TENM2: variants seen among roughly 807,000 people sequenced by gnomAD.
TENM2 encodes teneurin-2.
A neutral mutation model predicts 245.2 loss-of-function variants in TENM2; 52 were observed. The observed-to-expected ratio is 0.21, with a 90% CI of 0.17 to 0.27. TENM2 has a LOEUF of 0.27. TENM2 is among the 10% of genes least tolerant of loss of function. TENM2 has a pLI of 1.00. For synonymous variants in TENM2, 1,363 were observed against 1,438.9 expected (o/e 0.95, Z 1.19); for missense variants, 3,046 against 3,666.8 (o/e 0.83, Z 4.37).
chr5:167,465,806 G>T (rs930281473), intron 2 of TENM2, among the ~76,000 whole-genome samples: 1 of 151,240 alleles, frequency 6.6e-6, no homozygotes, highest in African/African-American at 2.4e-5. Context: ...ACTCTGGCCT[G>T]GGTGACAGAG....
the TENM2 span, among the ~76,000 whole-genome samples, chr5:167,097,510 C>T: frequency 2.0e-5 from 3 of 152,000 alleles, no homozygotes; most frequent in Non-Finnish European, 4.4e-5. Context: ...TCCGGGCACT[C>T]GCCTGCAGGT....
chr5:167,648,103 C>T (rs1180354614), intron 2 of TENM2, among the ~76,000 whole-genome samples: 1 of 152,094 alleles, frequency 6.6e-6, no homozygotes, highest in African/African-American at 2.4e-5. Context: ...CATGGTGAGC[C>T]GAACTAATCA....
intron 1 of TENM2, among the ~76,000 whole-genome samples, chr5:167,361,309 T>G (rs1281438750): frequency 2.0e-5 from 3 of 152,304 alleles, no homozygotes; most frequent in Middle Eastern, 6.8e-3. Context: ...TCAAATCCTC[T>G]TTTTTTCCTA....
chr5:167,418,947 A>C (rs1763327328), intron 2 of TENM2, among the ~76,000 whole-genome samples: 1 of 152,184 alleles, frequency 6.6e-6, no homozygotes, highest in Admixed American at 6.5e-5. Context: ...TTGCTTCAAG[A>C]TAGTTTAAAC....
intron 2 of TENM2, among the ~76,000 whole-genome samples, chr5:167,404,582 A>G (rs1312505098): frequency 6.6e-6 from 1 of 152,086 alleles, no homozygotes; most frequent in Non-Finnish European, 1.5e-5. Context: ...GTTTATCACA[A>G]TTGCTTTTGC....
At chr5:167,378,623 C>T (rs2127324236) in intron 2 of TENM2, among the ~76,000 whole-genome samples, 1 of 152,146 alleles carries the variant, frequency 6.6e-6, no homozygotes, top group Middle Eastern at 3.4e-3. Flanking sequence ...TTTGAAAGGG[C>T]TTTCCTAGTA....
rs114254787 is a variant in TENM2 at position 167,502,051 on chromosome 5, A to G, written c.502+126578A>G. On this transcript the variant is annotated intron_variant, in intron 2 of 28. Transcript: ENST00000518659. ...TACTAGGTCATGTTGCTTGCTCTAGATAGTTTTGGCATGGCTAAGATGTGC... is the reference window on the plus strand; with the variant it reads ...TACTAGGTCATGTTGCTTGCTCTAGGTAGTTTTGGCATGGCTAAGATGTGC... 2.6e-3 allele frequency among the ~76,000 whole-genome samples: 401 copies of G among 152,178 alleles called. 1 individual carries two copies. Among genetic ancestry groups the G allele is most frequent in the Middle Eastern group, 0.017 (5 of 294 alleles).
intron 2 of TENM2, among the ~76,000 whole-genome samples, chr5:167,502,118 C>A (rs1769248941): frequency 6.6e-6 from 1 of 152,094 alleles, no homozygotes; most frequent in African/African-American, 2.4e-5. Flanking sequence ...CCACTTTTCA[C>A]TTGTAATATC....
the TENM2 span, among the ~76,000 whole-genome samples, chr5:167,264,554 C>T: frequency 6.6e-6 from 1 of 152,268 alleles, no homozygotes; most frequent in African/African-American, 2.4e-5. Context: ...CCATTCTGCA[C>T]TCGCCTGGCA....
chr5:167,383,876 A>G (rs978260391), intron 2 of TENM2, among the ~76,000 whole-genome samples: 5 of 152,176 alleles, frequency 3.3e-5, no homozygotes, highest in Non-Finnish European at 7.3e-5. Context: ...CACATAGCAT[A>G]TATGAACAGG....
chr5:167,868,257 C>T (rs1362944832), intron 2 of TENM2, among the ~76,000 whole-genome samples: 1 of 152,134 alleles, frequency 6.6e-6, no homozygotes. Flanking sequence ...TGCCAAATCT[C>T]CCCTAGGGAG....
chr5:167,982,172 T>C (rs1322530518), intron 4 of TENM2, among the ~76,000 whole-genome samples: 2 of 152,142 alleles, frequency 1.3e-5, no homozygotes, highest in African/African-American at 2.4e-5. Context: ...ATGCTCTTTT[T>C]TACCATTCTT....
At chr5:168,094,001 A>G (rs1793159281) in intron 8 of TENM2, among the ~76,000 whole-genome samples, 1 of 150,996 alleles carries the variant, frequency 6.6e-6, no homozygotes, top group Non-Finnish European at 1.5e-5. Context: ...ACAGACACAC[A>G]TACACATAGA....
the TENM2 span, among the ~76,000 whole-genome samples, chr5:167,130,521 A>G: frequency 6.6e-6 from 1 of 152,206 alleles, no homozygotes; most frequent in African/African-American, 2.4e-5. Context: ...CATGAAACTG[A>G]AGTCATATGG....
the TENM2 span, among the ~76,000 whole-genome samples, chr5:167,104,255 T>C: frequency 6.6e-6 from 1 of 152,098 alleles, no homozygotes; most frequent in African/African-American, 2.4e-5. Context: ...TAATTGTGGA[T>C]GTGAAAAGAG....
At chr5:167,283,076 C>T (rs1468581002), upstream of TENM2, among the ~76,000 whole-genome samples, 17 of 151,710 alleles carry the variant, frequency 1.1e-4, no homozygotes, top group Non-Finnish European at 4.4e-5. Flanking sequence ...TGGAGTTTCA[C>T]ACTTGTTGTC....
chr5:167,444,838 C>T (rs1184542454), intron 2 of TENM2, among the ~76,000 whole-genome samples: 13 of 152,072 alleles, frequency 8.5e-5, no homozygotes, highest in Admixed American at 7.9e-4. Context: ...ACTGAAAATA[C>T]GATTCTAGGA....
chr5:167,767,013 T>G (rs1763073984), intron 2 of TENM2, among the ~76,000 whole-genome samples: 1 of 152,226 alleles, frequency 6.6e-6, no homozygotes, highest in African/African-American at 2.4e-5. Flanking sequence ...ACATTAAACG[T>G]ACAATTACCA....
chr5:167,525,497 A>G (rs78654920), intron 2 of TENM2, among the ~76,000 whole-genome samples: 3,302 of 152,266 alleles, frequency 0.022, 140 homozygotes, highest in African/African-American at 0.076. Flanking sequence ...AAAAGAATGC[A>G]TGAGTGTGCT....
Sources: gnomAD v4.1 joint callset for allele counts (sites outside exome capture counted in the v4.1 genomes callset) on GRCh38, gnomAD v4.1.1 for gene constraint, MANE v1.5 for transcripts, NCBI Gene and HGNC (gene_info 2026-07-23, HGNC 2026-07-21) for gene names.